PPP6R2: variants seen among roughly 807,000 people sequenced by gnomAD.
The protein encoded by PPP6R2 is serine/threonine-protein phosphatase 6 regulatory subunit 2.
PPP6R2 carries 62 observed loss-of-function variants against 100.2 expected under a neutral mutation model. The ratio of observed to expected loss-of-function variants is 0.62; its 90% CI spans 0.50 to 0.76. The LOEUF (loss-of-function observed/expected upper bound fraction) is 0.76. Ranked by LOEUF, PPP6R2 falls within the 30% of genes least tolerant of loss-of-function variation. PPP6R2 has a pLI of 0.00. For missense variants in PPP6R2, 1,142 were observed against 1,276.3 expected, an observed-to-expected ratio of 0.89 and a Z score of 1.60; for synonymous variants, 525 against 514.7, an observed-to-expected ratio of 1.02 and a Z score of -0.27.
At chr22:50,434,889 G>A in intron 12 of PPP6R2, 77 bp from the exon 13 acceptor site, 2 of 1,335,054 alleles carry the variant, frequency 1.5e-6, no homozygotes, top group Non-Finnish European at 2.1e-6. Flanking sequence ...GGAGGCCTCT[G>A]CCACTTGGCT....
At chr22:50,414,710 C>A (rs769442507) in intron 5 of PPP6R2, 21 bp downstream of exon 5, 2 of 1,606,720 alleles carry the variant, frequency 1.2e-6, no homozygotes, top group Admixed American at 1.7e-5. Flanking sequence ...GAGTCCCCCC[C>A]CGTTCCCGAG....
chr22:50,436,780 G>A (rs1423395022), intron 14 of PPP6R2, among the ~76,000 whole-genome samples: 1 of 152,210 alleles, frequency 6.6e-6, no homozygotes, highest in East Asian at 1.9e-4. Context: ...CCTGCCCCCT[G>A]CACATGGAGG....
chr22:50,396,645 C>T (rs951014145), intron 3 of PPP6R2, among the ~76,000 whole-genome samples: 7 of 152,160 alleles, frequency 4.6e-5, no homozygotes, highest in South Asian at 2.1e-4. Flanking sequence ...GCAGGGGCCA[C>T]GGCAAATAAT....
At chr22:50,332,846 T>C in the PPP6R2 span, among the ~76,000 whole-genome samples, 1 of 151,990 alleles carries the variant, frequency 6.6e-6, no homozygotes, top group Non-Finnish European at 1.5e-5. Context: ...ATGGTCTTGA[T>C]CTCTTGACGT....
chr22:50,444,534 G>A lies in PPP6R2; in HGVS notation c.*287G>A. On this transcript the variant is annotated 3_prime_UTR_variant, in exon 24 of 24. Coordinates refer to ENST00000612753, the MANE Select transcript of PPP6R2 (RefSeq NM_001242898.2). Reference sequence around the variant, plus strand: ...TCGGCCTGCAGGAGCCGGGGTGGGGGTGGGGGTGGGGGGGGCAGGACCCTG... The same window carrying A: ...TCGGCCTGCAGGAGCCGGGGTGGGGATGGGGGTGGGGGGGGCAGGACCCTG... The A allele has an allele frequency of 2.6e-6, 1 of 379,714 alleles. No homozygotes were observed. The highest frequency in any genetic ancestry group is 3.5e-5 in the South Asian group (1 of 28,810). The allele number at this position is 379,714 out of a possible 1,614,324, so 23.5% of individuals were successfully genotyped here. A position where few individuals can be genotyped will look rare whatever the true frequency, so the allele number is the denominator to read the frequency against.
chr22:50,406,618 C>T, intron 3 of PPP6R2, 71 bp from the exon 4 acceptor site: 3 of 1,427,456 alleles, frequency 2.1e-6, no homozygotes, highest in Non-Finnish European at 2.9e-6. Flanking sequence ...AAGAAGCAGA[C>T]TATGTAAGCA....
At chr22:50,365,732 A>T (rs551079702) in intron 1 of PPP6R2, among the ~76,000 whole-genome samples, 1 of 136,260 alleles carries the variant, frequency 7.3e-6, no homozygotes, top group Admixed American at 7.1e-5. Flanking sequence ...TTTATTTATT[A>T]TTATTTTTTT....
the PPP6R2 span, among the ~76,000 whole-genome samples, chr22:50,335,053 G>A: frequency 6.6e-6 from 1 of 151,820 alleles, no homozygotes; most frequent in Non-Finnish European, 1.5e-5. Flanking sequence ...TAACAATGTT[G>A]AGTTGTTTTT....
chr22:50,439,640 C>G, intron 19 of PPP6R2, 61 bp from the exon 20 acceptor site: 1 of 1,464,296 alleles, frequency 6.8e-7, no homozygotes, highest in South Asian at 1.4e-5. Flanking sequence ...GCGCTGCCTC[C>G]CCTTTGCCTG....
intron 2 of PPP6R2, among the ~76,000 whole-genome samples, chr22:50,372,568 C>CA (rs1474690221): frequency 2.0e-5 from 3 of 151,804 alleles, no homozygotes; most frequent in Admixed American, 1.3e-4. Context: ...CAAAACAAAA[C>CA]AAAAAAACAG....
intron 22 of PPP6R2, 62 bp downstream of exon 22, chr22:50,441,088 TC>T: frequency 2.2e-6 from 3 of 1,357,792 alleles, no homozygotes; most frequent in South Asian, 1.4e-5. Context: ...CCAGGCTCTG[TC>T]CCCAGGTCTC....
intron 3 of PPP6R2, among the ~76,000 whole-genome samples, chr22:50,394,628 C>T (rs1383327570): frequency 2.1e-5 from 3 of 141,756 alleles, no homozygotes; most frequent in Admixed American, 7.1e-5. Flanking sequence ...AAAAAAAGGC[C>T]GGGCACAGTG....
chr22:50,355,004 T>C (rs2046154415), intron 1 of PPP6R2, among the ~76,000 whole-genome samples: 11 of 150,414 alleles, frequency 7.3e-5, no homozygotes, highest in Admixed American at 1.3e-4. Context: ...CCACCATGCC[T>C]GGCTAATTTT....
chr22:50,334,158 C>T, the PPP6R2 span, among the ~76,000 whole-genome samples: 3 of 152,252 alleles, frequency 2.0e-5, no homozygotes, highest in South Asian at 2.1e-4. Context: ...TTTAGGCCTC[C>T]GGATGGCTGC....
chr22:50,359,217 CTTTTTTTTT>C (rs368586121), intron 1 of PPP6R2, among the ~76,000 whole-genome samples: 8 of 129,174 alleles, frequency 6.2e-5, no homozygotes, highest in South Asian at 2.4e-4. Flanking sequence ...CCAGGCTGGT[CTTTTTTTTT>C]TTTTTTTTTT....
chr22:50,334,181 CTGA>C, the PPP6R2 span, among the ~76,000 whole-genome samples: 3 of 152,242 alleles, frequency 2.0e-5, no homozygotes, highest in Non-Finnish European at 4.4e-5. Context: ...GCGGGCCTGA[CTGA>C]TGTCAGGCCT....
At chr22:50,350,654 G>A (rs193096387) in intron 1 of PPP6R2, among the ~76,000 whole-genome samples, 1 of 151,864 alleles carries the variant, frequency 6.6e-6, no homozygotes, top group Non-Finnish European at 1.5e-5. Flanking sequence ...GACCATCCTG[G>A]CTAACACGGT....
Position 50,437,500 on chromosome 22 carries a change from TCCCA to T in PPP6R2, c.1684-5_1684-2del. 1 of 266,774 alleles carries T rather than the reference TCCCA, an allele frequency of 3.7e-6. No homozygotes were observed. Among genetic ancestry groups the T allele is most frequent in the East Asian group, 1.1e-4 (1 of 9,218 alleles). 16.5% of individuals were successfully genotyped at this position (266,774 alleles called of 1,614,324 possible). On this transcript the variant is annotated splice_acceptor_variant and splice_polypyrimidine_tract_variant and intron_variant, in intron 15 of 23. Transcript: ENST00000612753. LOFTEE classifies it high-confidence loss of function. ...GTCCGTCCCTCCCTCCCTCCCTCCC[TCCCA>T]GGCCTTCTCTGACTACCAGATCCAG...
At chr22:50,419,148 G>A (rs1234397133) in intron 7 of PPP6R2, among the ~76,000 whole-genome samples, 169 bp downstream of exon 7, 1 of 152,166 alleles carries the variant, frequency 6.6e-6, no homozygotes, top group Non-Finnish European at 1.5e-5. Flanking sequence ...CCAGAGGGAG[G>A]GGTCTCCAGA....
Sources: allele counts gnomAD v4.1 joint callset (sites outside exome capture counted in the v4.1 genomes callset), GRCh38; gene constraint gnomAD v4.1.1; transcripts MANE v1.5; gene names NCBI Gene and HGNC (gene_info 2026-07-23, HGNC 2026-07-21).